The following DDAH1 variants were observed in gnomAD, a reference collection of about 807,000 sequenced individuals.
The protein encoded by DDAH1 is N(G),N(G)-dimethylarginine dimethylaminohydrolase 1.
DDAH1 carries 19 observed loss-of-function variants against 28.8 expected under a neutral mutation model. The observed-to-expected ratio is 0.66, with a 90% CI of 0.46 to 0.97. DDAH1 has a LOEUF of 0.97. Ranked by LOEUF, DDAH1 falls within the 50% of genes least tolerant of loss-of-function variation. The pLI is 0.00. For synonymous variants in DDAH1, 153 were observed against 154.4 expected, an observed-to-expected ratio of 0.99 and a Z score of 0.07; for missense variants, 326 against 375.9, an observed-to-expected ratio of 0.87 and a Z score of 1.10.
intron 1 of DDAH1, among the ~76,000 whole-genome samples, chr1:85,383,618 C>T (rs1227889062): frequency 2.6e-5 from 4 of 152,214 alleles, no homozygotes; most frequent in African/African-American, 9.6e-5. Flanking sequence ...AACAGCATTG[C>T]TTCTTACAGA....
At chr1:85,576,159 T>A (rs1216710737) in intron 1 of DDAH1, among the ~76,000 whole-genome samples, 1 of 151,644 alleles carries the variant, frequency 6.6e-6, no homozygotes, top group East Asian at 1.9e-4. Flanking sequence ...ATTAAACAAA[T>A]CAATATATAG....
chr1:85,351,406 G>A lies in DDAH1; in HGVS notation c.477+100C>T, dbSNP rs977744485. 4.4e-6 allele frequency: 4 copies of A among 914,302 alleles called. No homozygotes were observed. In the Admixed American group the frequency reaches 6.0e-5, roughly 14 times the overall value. The allele number at this position is 914,302 out of a possible 1,614,324, so 56.6% of individuals were successfully genotyped here. ...CATTACGAATTATTGTACAAAGCCA[G>A]TGAAGCGTAAACACCATTACTCATG... is the stretch of plus-strand genomic sequence containing the variant. On this transcript the variant is annotated intron_variant, in intron 3 of 5. Transcript: ENST00000284031.
At chr1:85,507,495 C>A (rs902313088) in intron 1 of DDAH1, among the ~76,000 whole-genome samples, 2 of 77,936 alleles carry the variant, frequency 2.6e-5, no homozygotes, top group African/African-American at 8.2e-5. Flanking sequence ...AAAGTGAGAC[C>A]CTGCATCACA....
At chr1:85,325,872 T>C (rs1647364142) in intron 4 of DDAH1, among the ~76,000 whole-genome samples, 1 of 152,248 alleles carries the variant, frequency 6.6e-6, no homozygotes, top group Non-Finnish European at 1.5e-5. Context: ...CTACTCTTTA[T>C]CAATATCCAT....
At chr1:85,490,645 T>C (rs2100727661) in intron 2 of DDAH1, among the ~76,000 whole-genome samples, 1 of 152,376 alleles carries the variant, frequency 6.6e-6, no homozygotes, top group East Asian at 1.9e-4. Context: ...CAGCCTGCAA[T>C]TTTTCAACCA....
At chr1:85,363,798 AG>A (rs1279057602) in intron 1 of DDAH1, among the ~76,000 whole-genome samples, 4 of 152,258 alleles carry the variant, frequency 2.6e-5, no homozygotes, top group Admixed American at 6.5e-5. Flanking sequence ...GCCACTTGCT[AG>A]TACACTTGGC....
At chr1:85,361,109 T>C (rs76370160) in intron 1 of DDAH1, among the ~76,000 whole-genome samples, 6,671 of 152,270 alleles carry the variant, frequency 0.044, 510 homozygotes, top group African/African-American at 0.15. Flanking sequence ...GGGAGATTTC[T>C]GGAGAAGAAA....
intron 1 of DDAH1, among the ~76,000 whole-genome samples, chr1:85,444,923 ATAGGCCATTGG>A (rs1436614179): frequency 3.9e-5 from 6 of 152,056 alleles, no homozygotes; most frequent in African/African-American, 7.2e-5. Flanking sequence ...AGGTCCCACA[ATAGGCCATTGG>A]TAGGCTGAGG....
intron 1 of DDAH1, among the ~76,000 whole-genome samples, chr1:85,389,017 TCA>T (rs763996822): frequency 1.3e-5 from 2 of 152,156 alleles, no homozygotes; most frequent in Non-Finnish European, 2.9e-5. Context: ...ACTCTGAGCC[TCA>T]GTTTCCTCAC....
intron 1 of DDAH1, among the ~76,000 whole-genome samples, chr1:85,415,400 C>T (rs1036600909): frequency 1.3e-5 from 2 of 152,066 alleles, no homozygotes; most frequent in African/African-American, 4.8e-5. Flanking sequence ...AAATCTTGTA[C>T]ACTTTACAAG....
intron 1 of DDAH1, among the ~76,000 whole-genome samples, chr1:85,544,387 T>TA (rs1658556667): frequency 6.6e-6 from 1 of 152,176 alleles, no homozygotes. Flanking sequence ...AGGCACTAGA[T>TA]ACATGAATTG....
chr1:85,327,074 CAAT>C (rs1470095473), intron 4 of DDAH1, among the ~76,000 whole-genome samples: 1 of 152,186 alleles, frequency 6.6e-6, no homozygotes. Flanking sequence ...TTCCAAAACA[CAAT>C]AATAGCAGCT....
chr1:85,563,571 C>A (rs1177142370), intron 1 of DDAH1, among the ~76,000 whole-genome samples: 2 of 152,084 alleles, frequency 1.3e-5, no homozygotes, highest in Non-Finnish European at 2.9e-5. Flanking sequence ...AAACAAAATT[C>A]AAGAATATTT....
At chr1:85,384,073 C>T (rs2100913926) in intron 1 of DDAH1, among the ~76,000 whole-genome samples, 1 of 152,192 alleles carries the variant, frequency 6.6e-6, no homozygotes, top group East Asian at 1.9e-4. Flanking sequence ...AGTGATTTCC[C>T]CTCACTGCTA....
chr1:85,350,344 CA>C, intron 4 of DDAH1, 70 bp downstream of exon 4: 1 of 1,565,964 alleles, frequency 6.4e-7, no homozygotes, highest in Non-Finnish European at 8.6e-7. Flanking sequence ...ACTCCCCCAG[CA>C]GAGAGAATGT....
chr1:85,382,882 G>A (rs1651066109), intron 1 of DDAH1, among the ~76,000 whole-genome samples: 1 of 152,188 alleles, frequency 6.6e-6, no homozygotes, highest in Admixed American at 6.5e-5. Context: ...ATGGTTTGCT[G>A]AATATTTTAA....
chr1:85,542,920 G>C (rs1658514694), intron 1 of DDAH1, among the ~76,000 whole-genome samples: 1 of 152,148 alleles, frequency 6.6e-6, no homozygotes, highest in Admixed American at 6.5e-5. Flanking sequence ...GACGTGCAGA[G>C]ATGGACATCA....
chr1:85,446,506 T>C (rs1654432294), intron 1 of DDAH1, among the ~76,000 whole-genome samples: 1 of 152,172 alleles, frequency 6.6e-6, no homozygotes, highest in African/African-American at 2.4e-5. Flanking sequence ...TGTCTACTGG[T>C]GGGCTTTCAG....
intron 1 of DDAH1, among the ~76,000 whole-genome samples, chr1:85,451,290 A>G (rs1234832866): frequency 6.6e-6 from 1 of 152,230 alleles, no homozygotes; most frequent in Non-Finnish European, 1.5e-5. Flanking sequence ...GGAGAAGGGC[A>G]CAGCCTCAAT....
Sources: allele counts gnomAD v4.1 joint callset (sites outside exome capture counted in the v4.1 genomes callset), GRCh38; gene constraint gnomAD v4.1.1; transcripts MANE v1.5; gene names NCBI Gene and HGNC (gene_info 2026-07-23, HGNC 2026-07-21).